Variants in LARGE1 observed in about 807,000 individuals in gnomAD.
LARGE1 encodes LARGE xylosyl- and glucuronyltransferase 1.
A neutral mutation model predicts 87.6 loss-of-function variants in LARGE1; 43 were observed. The ratio of observed to expected loss-of-function variants is 0.49; its 90% confidence interval spans 0.38 to 0.63. The LOEUF (loss-of-function observed/expected upper bound fraction) is 0.63. LARGE1 is among the 30% of genes least tolerant of loss of function. The pLI is 0.00. For missense variants in LARGE1, 802 were observed against 1,000.2 expected (o/e 0.80, Z 2.67); for synonymous variants, 434 against 394.6 (o/e 1.10, Z -1.18).
intron 2 of LARGE1, among the ~76,000 whole-genome samples, chr22:33,722,602 T>C (rs1294681563): frequency 1.3e-5 from 2 of 152,032 alleles, no homozygotes; most frequent in African/African-American, 4.8e-5. Flanking sequence ...CCCTTAGAAT[T>C]GAATGAACAC....
the LARGE1 span, among the ~76,000 whole-genome samples, chr22:33,096,564 T>C: frequency 1.8e-5 from 1 of 56,788 alleles, no homozygotes; most frequent in Non-Finnish European, 3.9e-5. Context: ...GTTTTTGTTT[T>C]TGTTTTTTTT....
intron 1 of LARGE1, among the ~76,000 whole-genome samples, chr22:33,871,198 G>A (rs1428984185): frequency 1.3e-5 from 2 of 152,134 alleles, no homozygotes; most frequent in African/African-American, 2.4e-5. Context: ...TCAAATTAAC[G>A]TATATTTATA....
intron 7 of LARGE1, among the ~76,000 whole-genome samples, chr22:33,386,774 T>C (rs1292564622): frequency 1.3e-5 from 2 of 148,930 alleles, no homozygotes; most frequent in African/African-American, 2.4e-5. Context: ...TGTAAGTCAC[T>C]GGTGACTGAT....
chr22:33,643,886 C>A (rs1200289323), intron 3 of LARGE1, among the ~76,000 whole-genome samples: 2 of 152,106 alleles, frequency 1.3e-5, no homozygotes, highest in Admixed American at 1.3e-4. Context: ...CCTGAATAGA[C>A]CAATAACAAG....
intron 10 of LARGE1, among the ~76,000 whole-genome samples, chr22:33,333,431 C>T (rs1034405583): frequency 6.6e-6 from 1 of 152,200 alleles, no homozygotes; most frequent in Admixed American, 6.5e-5. Flanking sequence ...TTCAGTGGCT[C>T]CTCACTGCCC....
Position 33,472,641 on chromosome 22 carries a change from G to A in LARGE1, c.788-40376C>T, listed in dbSNP as rs2068894299. Reference sequence around the variant, plus strand: ...CCTCTCATGACTTTCAAATGTCTCAGCAGATAGTCATTTTAGTGAAAAAGA... The same window carrying A: ...CCTCTCATGACTTTCAAATGTCTCAACAGATAGTCATTTTAGTGAAAAAGA... On this transcript the variant is annotated intron_variant, in intron 6 of 14. Coordinates refer to ENST00000397394, the MANE Select transcript of LARGE1 (RefSeq NM_133642.5). Among the ~76,000 whole-genome samples the A allele has an allele frequency of 1.3e-5, 2 of 152,166 alleles. 1 individual carries two copies. Among genetic ancestry groups the A allele is most frequent in the South Asian group, 4.1e-4 (2 of 4,824 alleles).
intron 2 of LARGE1, among the ~76,000 whole-genome samples, chr22:33,708,343 G>A (rs1254213656): frequency 6.6e-6 from 1 of 152,088 alleles, no homozygotes; most frequent in Non-Finnish European, 1.5e-5. Flanking sequence ...GCTCTGGAAG[G>A]GGGTTGTGGT....
intron 6 of LARGE1, among the ~76,000 whole-genome samples, chr22:33,477,984 C>A (rs961802085): frequency 5.9e-5 from 9 of 152,188 alleles, no homozygotes; most frequent in African/African-American, 2.2e-4. Context: ...TGGAAGCCCT[C>A]CTCTAACTCA....
intron 2 of LARGE1, among the ~76,000 whole-genome samples, chr22:33,704,378 A>C (rs1048082948): frequency 6.6e-6 from 1 of 152,188 alleles, no homozygotes; most frequent in African/African-American, 2.4e-5. Context: ...TATGGCTACA[A>C]AGACCTCGTT....
chr22:33,435,115 C>T (rs545863322), intron 6 of LARGE1, among the ~76,000 whole-genome samples: 1 of 152,344 alleles, frequency 6.6e-6, no homozygotes, highest in South Asian at 2.1e-4. Flanking sequence ...GATTCTCCTG[C>T]CTCAGCCTCC....
intron 6 of LARGE1, among the ~76,000 whole-genome samples, chr22:33,462,775 T>C (rs2068432667): frequency 6.6e-6 from 1 of 152,140 alleles, no homozygotes; most frequent in South Asian, 2.1e-4. Context: ...AGCAAGACTC[T>C]GTCTCAAAAA....
At chr22:33,655,582 A>G (rs1256358602) in intron 2 of LARGE1, among the ~76,000 whole-genome samples, 4 of 152,124 alleles carry the variant, frequency 2.6e-5, no homozygotes, top group Non-Finnish European at 4.4e-5. Flanking sequence ...CTTACAATAA[A>G]CATAGCTGTA....
intron 7 of LARGE1, among the ~76,000 whole-genome samples, chr22:33,399,842 C>A (rs2147300164): frequency 6.6e-6 from 1 of 152,328 alleles, no homozygotes; most frequent in East Asian, 1.9e-4. Flanking sequence ...GCCACCACGC[C>A]CGGCCAACTT....
chr22:33,083,606 A>G, the LARGE1 span, among the ~76,000 whole-genome samples: 1 of 152,230 alleles, frequency 6.6e-6, no homozygotes, highest in Non-Finnish European at 1.5e-5. Context: ...GAAAAAATAT[A>G]TAATATATCA....
chr22:33,415,291 A>T (rs2066446197), intron 7 of LARGE1, among the ~76,000 whole-genome samples: 1 of 152,228 alleles, frequency 6.6e-6, no homozygotes, highest in Non-Finnish European at 1.5e-5. Flanking sequence ...GAGAGAGGAA[A>T]ACCATGGAGT....
chr22:33,601,450 A>C (rs1234155376), intron 5 of LARGE1, among the ~76,000 whole-genome samples: 1 of 152,216 alleles, frequency 6.6e-6, no homozygotes, highest in East Asian at 1.9e-4. Flanking sequence ...TGGAGTAGGC[A>C]GATCATGGCT....
chr22:33,244,549 A>G (rs1484434267), intron 11 of LARGE1, among the ~76,000 whole-genome samples: 3 of 152,202 alleles, frequency 2.0e-5, no homozygotes, highest in Non-Finnish European at 4.4e-5. Flanking sequence ...GAGTCCCTGG[A>G]AGAAGCACTT....
intron 5 of LARGE1, among the ~76,000 whole-genome samples, chr22:33,577,343 C>T (rs1336024924): frequency 1.3e-5 from 2 of 152,160 alleles, no homozygotes; most frequent in Non-Finnish European, 2.9e-5. Context: ...AAAATAGCCA[C>T]AAAACAGAGA....
At chr22:33,131,577 A>T in the LARGE1 span, among the ~76,000 whole-genome samples, 27 of 152,298 alleles carry the variant, frequency 1.8e-4, no homozygotes, top group African/African-American at 5.1e-4. Flanking sequence ...AGAAGCAAAG[A>T]CACCTCTTAA....
Sources: allele counts gnomAD v4.1 joint callset (sites outside exome capture counted in the v4.1 genomes callset), GRCh38; gene constraint gnomAD v4.1.1; transcripts MANE v1.5; gene names NCBI Gene and HGNC (gene_info 2026-07-23, HGNC 2026-07-21).